PRKAG3: variants seen among roughly 807,000 people sequenced by gnomAD.
PRKAG3 encodes the protein protein kinase AMP-activated non-catalytic subunit gamma 3, also known as 5'-AMP-activated protein kinase subunit gamma-3.
A neutral mutation model predicts 56.5 loss-of-function variants in PRKAG3; 39 were observed. That is an observed-to-expected ratio of 0.69 (90% CI 0.53 to 0.90). The LOEUF is 0.90. Among genes scored for constraint, PRKAG3 ranks in the 40% least tolerant of loss-of-function variants. The pLI is 0.00. For synonymous variants in PRKAG3, 243 were observed against 250.1 expected (o/e 0.97, Z 0.27); for missense variants, 628 against 627.5 (o/e 1.00, Z -0.01).
In PRKAG3 at chr2:218,830,029, G is replaced by A. The variant is rs557210610; in HGVS notation, c.582C>T (p.Tyr194=). 59 of 1,613,954 alleles carry A rather than the reference G, an allele frequency of 3.7e-5. 1 individual carries two copies. The South Asian group carries it at 4.3e-4, about 12-fold the overall frequency. The change falls in exon 4 of 13, where the codon TAC becomes TAT. Residue 194 remains tyrosine (Y), a synonymous_variant. Transcript: ENST00000529249. ...GCTTGGAGCTAGTTGCCATGGCATC[G>A]TAGCAGGTGTGCTCCTGCATGAAGC...
At chr2:218,824,560 G>C in exon 11 of PRKAG3, 3 of 1,613,088 alleles carry the variant, frequency 1.9e-6, no homozygotes, top group Non-Finnish European at 2.5e-6. Flanking sequence ...AGCGGGAATA[G>C]AGGCCCACGA....
intron 2 of PRKAG3, 45 bp downstream of exon 2, chr2:218,831,291 G>C (rs650898): frequency 6.9e-7 from 1 of 1,456,640 alleles, no homozygotes; most frequent in Non-Finnish European, 9.3e-7. Flanking sequence ...GGGACAAGGA[G>C]GTGGGGGAAG....
At chr2:218,830,968 T>C (rs1575213646) in intron 2 of PRKAG3, 67 bp from the exon 3 acceptor site, 1 of 1,550,390 alleles carries the variant, frequency 6.4e-7, no homozygotes, top group East Asian at 2.2e-5. Flanking sequence ...CAAATGTTAT[T>C]CATAATCTTT....
In PRKAG3 at chr2:218,827,579, C is replaced by T; in HGVS notation, c.871G>A (p.Asp291Asn). 1 of 1,613,912 alleles carries T rather than the reference C, an allele frequency of 6.2e-7. No homozygotes were observed. The highest frequency in any genetic ancestry group is 1.6e-4 in the Middle Eastern group (1 of 6,062). ...TGAATGAGCAGAGACACCCACCTAT[C>T]ATTAGGAGAGATGGAGACCAGAGGC... The change falls in exon 8 of 13, where the codon GAT becomes AAT. Residue 291 changes from aspartate to asparagine, a missense_variant. Coordinates refer to ENST00000529249, the Ensembl canonical transcript of PRKAG3. This position sits in a 1 kb window ranked among gnomAD's most constrained non-coding sequence, Gnocchi z 5.3.
chr2:218,831,395 TG>T lies in PRKAG3; in HGVS notation c.34-21del. 6.3e-7 allele frequency: 1 copy of T among 1,592,666 alleles called. No individual in the cohort carries two copies. Among genetic ancestry groups the T allele is most frequent in the Non-Finnish European group, 8.6e-7 (1 of 1,169,282 alleles). On this transcript the variant is annotated intron_variant, in intron 1 of 12. Coordinates refer to ENST00000529249, the Ensembl canonical transcript of PRKAG3. ...AGGGGTCTGTGGGGAGAAGAGTTTC[TG>T]AAGGAGTGGGGAAAGTGCCTTACAT... is the stretch of plus-strand genomic sequence containing the variant.
chr2:218,826,656 T>C (rs1943936374), intron 10 of PRKAG3: 2 of 462,568 alleles, frequency 4.3e-6, no homozygotes, highest in African/African-American at 2.0e-5. Context: ...CCTCTCGCTA[T>C]GCCCATTTTC....
intron 5 of PRKAG3, 31 bp from the exon 6 acceptor site, chr2:218,828,093 C>T (rs762777602): frequency 9.7e-6 from 15 of 1,546,460 alleles, no homozygotes; most frequent in South Asian, 4.8e-5. Context: ...GAGGTCAGCC[C>T]GGGGCCTTTG....
rs1301000931 is a variant in PRKAG3 at position 218,826,823 on chromosome 2, C to G, written c.1168+105G>C. On this transcript the variant is annotated intron_variant, in intron 10 of 12. Coordinates refer to ENST00000529249, the Ensembl canonical transcript of PRKAG3. ...CTTCTAATCCCCAGTCCATCCTGTA[C>G]CCCCCACAGGGATGGCATGAGAAAC... 4.1e-6 allele frequency: 6 copies of G among 1,447,174 alleles called. No homozygotes were observed. The East Asian group carries it at 1.4e-4, about 33-fold the overall frequency. 89.6% of individuals were successfully genotyped at this position (1,447,174 alleles called of 1,614,324 possible). A position where few individuals can be genotyped will look rare whatever the true frequency, so the allele number is the denominator to read the frequency against.
chr2:218,828,653 C>A (rs1210035656), intron 4 of PRKAG3, 53 bp from the exon 5 acceptor site: 22 of 1,479,424 alleles, frequency 1.5e-5, no homozygotes, highest in African/African-American at 4.2e-5. Context: ...CCCTCACCCC[C>A]CTCTCTGCCC....
At position 218,828,611 on chromosome 2, in the gene PRKAG3, A is replaced by G; in HGVS notation, c.634-11T>C. ...GAAGGCCTTCTTGATCTGAGGGGCC[A>G]GGGAGAACAGTCAAGGGTGGGTCCC... On this transcript the variant is annotated splice_polypyrimidine_tract_variant and intron_variant, in intron 4 of 12. Coordinates refer to ENST00000529249, the Ensembl canonical transcript of PRKAG3. 6.2e-7 allele frequency: 1 copy of G among 1,611,388 alleles called. No homozygotes were observed. Among genetic ancestry groups the G allele is most frequent in the Non-Finnish European group, 8.5e-7 (1 of 1,178,604 alleles).
At position 218,829,966 on chromosome 2, in the gene PRKAG3, C is replaced by T. The variant is rs1943994022; in HGVS notation, c.633+12G>A. 6.2e-7 allele frequency: 1 copy of T among 1,611,196 alleles called. No homozygotes were observed. On this transcript the variant is annotated intron_variant, in intron 4 of 12. Coordinates refer to ENST00000529249, the Ensembl canonical transcript of PRKAG3. ...GAGAGTGAGTACAGGTTGGGCAGAGCCGTGGCCTCACCTCCAGCATGGTGT... is the reference window on the plus strand; with the variant it reads ...GAGAGTGAGTACAGGTTGGGCAGAGTCGTGGCCTCACCTCCAGCATGGTGT...
In PRKAG3 at chr2:218,827,934, A is replaced by T; in HGVS notation, c.775-56T>A. The T allele has an allele frequency of 2.5e-6, 4 of 1,609,774 alleles. No individual in the cohort carries two copies. The highest frequency in any genetic ancestry group is 3.4e-6 in the Non-Finnish European group (4 of 1,177,280). On this transcript the variant is annotated intron_variant, in intron 6 of 12. Coordinates refer to ENST00000529249, the Ensembl canonical transcript of PRKAG3. The surrounding 1 kb of genome is among the most constrained non-coding windows in gnomAD (Gnocchi z 5.3). ...GAAAGACGTGGGCTTCTAGGGCACC[A>T]GGCTCCAGGAGGACTCCCCTCCGCC...
chr2:218,825,928 T>A (rs1192921983), intron 10 of PRKAG3, among the ~76,000 whole-genome samples: 2 of 151,952 alleles, frequency 1.3e-5, no homozygotes, highest in Non-Finnish European at 2.9e-5. Flanking sequence ...AGCTAATTTT[T>A]TTTTGTAGTT....
chr2:218,824,335 C>T, exon 12 of PRKAG3: 3 of 1,614,100 alleles, frequency 1.9e-6, no homozygotes, highest in Non-Finnish European at 2.5e-6. Flanking sequence ...ACACTCATGT[C>T]CAGGTGGTTG....
chr2:218,830,739 G>C lies in PRKAG3; in HGVS notation c.229+7C>G, dbSNP rs1944008931. 6.2e-7 allele frequency: 1 copy of C among 1,611,788 alleles called. No homozygotes were observed. The highest frequency in any genetic ancestry group is 1.3e-5 in the African/African-American group (1 of 74,836). ...TCCCACCTCCCCAGAACTGGCCTTG[G>C]CCTCACCTTCCCCCTGACCTGGTGG... On this transcript the variant is annotated splice_region_variant and intron_variant, in intron 3 of 12. Coordinates refer to ENST00000529249, the Ensembl canonical transcript of PRKAG3.
At chr2:218,829,851 GA>G (rs1288012089) in intron 4 of PRKAG3, 126 bp downstream of exon 4, 1 of 1,171,306 alleles carries the variant, frequency 8.5e-7, no homozygotes, top group Non-Finnish European at 1.2e-6. Flanking sequence ...ATAGTGCTAA[GA>G]AGGAGTCCTT....
At chr2:218,824,286 C>T in exon 12 of PRKAG3, 1 of 1,614,152 alleles carries the variant, frequency 6.2e-7, no homozygotes, top group Non-Finnish European at 8.5e-7. Context: ...GGAAAGGACT[C>T]CCTCCAGACA....
Position 218,827,019 on chromosome 2 carries a change from C to G in PRKAG3, c.1077G>C (p.Leu359Phe). 2 of 1,614,142 alleles carry G rather than the reference C, an allele frequency of 1.2e-6. No homozygotes were observed. Among genetic ancestry groups the G allele is most frequent in the Admixed American group, 3.3e-5 (2 of 60,034 alleles). Residue 359 changes from leucine (L) to phenylalanine (F), a missense_variant, in exon 10 of 13, where the codon TTG becomes TTC. Transcript: ENST00000529249. The surrounding 1 kb of genome is among the most constrained non-coding windows in gnomAD (Gnocchi z 5.3). Reference sequence around the variant, plus strand: ...TGGGTGCTGTCTCCAGCACCACAGCCAAGTCTCGGAATGTGCCGATGCCCA... The same window carrying G: ...TGGGTGCTGTCTCCAGCACCACAGCGAAGTCTCGGAATGTGCCGATGCCCA...
intron 5 of PRKAG3, 49 bp downstream of exon 5, chr2:218,828,470 C>T: frequency 6.6e-7 from 1 of 1,519,860 alleles, no homozygotes; most frequent in Non-Finnish European, 9.0e-7. Flanking sequence ...CGTACAAGAT[C>T]TCCCCCTCAC....
Sources: gnomAD v4.1 joint callset for allele counts (sites outside exome capture counted in the v4.1 genomes callset) on GRCh38, gnomAD v4.1.1 for gene constraint, Gnocchi (gnomAD v3.1) non-coding constraint, MANE v1.5 for transcripts, NCBI Gene and HGNC (gene_info 2026-07-23, HGNC 2026-07-21) for gene names.